ZNG1E: variants seen among roughly 807,000 people sequenced by gnomAD.
ZNG1E encodes the protein Zn regulated GTPase metalloprotein activator 1E.
chr9:65,693,605 T>G, the ZNG1E span: 24 of 492,402 alleles, frequency 4.9e-5, no homozygotes, highest in South Asian at 4.8e-4. Context: ...TTGCCCAGGC[T>G]GGAGTGCAGT....
the ZNG1E span, among the ~76,000 whole-genome samples, chr9:65,656,737 A>G: frequency 6.6e-6 from 1 of 152,290 alleles, no homozygotes; most frequent in African/African-American, 2.4e-5. Flanking sequence ...ATTTATGGGA[A>G]CATTTATAAG....
the ZNG1E span, chr9:65,708,458 T>C: frequency 1.7e-5 from 4 of 237,046 alleles, no homozygotes; most frequent in Non-Finnish European, 3.2e-5. Context: ...ATTTTGTACA[T>C]TGGTTATTTG....
At chr9:65,710,541 A>G in the ZNG1E span, among the ~76,000 whole-genome samples, 2 of 152,072 alleles carry the variant, frequency 1.3e-5, no homozygotes, top group African/African-American at 4.8e-5. Flanking sequence ...ATAAGGTGTA[A>G]GGAAGGGATC....
the ZNG1E span, among the ~76,000 whole-genome samples, chr9:65,702,474 G>A: frequency 7.4e-5 from 11 of 149,230 alleles, no homozygotes; most frequent in Middle Eastern, 0.01. Flanking sequence ...AGGAACCTGG[G>A]ATGTGTGACT....
the ZNG1E span, among the ~76,000 whole-genome samples, chr9:65,668,364 G>A: frequency 2.3e-5 from 3 of 131,618 alleles, no homozygotes; most frequent in East Asian, 4.3e-4. Context: ...ATGTAATATC[G>A]GTGAAGGGAA....
chr9:65,705,420 G>T, the ZNG1E span, among the ~76,000 whole-genome samples: 2 of 151,912 alleles, frequency 1.3e-5, no homozygotes, highest in Middle Eastern at 6.8e-3. Flanking sequence ...AGTCATTGGG[G>T]GGAAACAGAA....
chr9:65,664,300 T>A, the ZNG1E span, among the ~76,000 whole-genome samples: 1 of 151,044 alleles, frequency 6.6e-6, no homozygotes, highest in African/African-American at 2.5e-5. Flanking sequence ...CCAAATCTCA[T>A]CTTGAATTCC....
At chr9:65,686,499 G>T in the ZNG1E span, among the ~76,000 whole-genome samples, 2 of 152,186 alleles carry the variant, frequency 1.3e-5, no homozygotes, top group Non-Finnish European at 2.9e-5. Flanking sequence ...AGCCTGGCTT[G>T]GTGGTGGGAG....
the ZNG1E span, among the ~76,000 whole-genome samples, chr9:65,710,546 G>A: frequency 1.3e-5 from 2 of 152,068 alleles, no homozygotes; most frequent in African/African-American, 4.8e-5. Flanking sequence ...GTGTAAGGAA[G>A]GGATCCGGTT....
the ZNG1E span, among the ~76,000 whole-genome samples, chr9:65,657,524 A>T: frequency 6.6e-6 from 1 of 152,268 alleles, no homozygotes; most frequent in Non-Finnish European, 1.5e-5. Flanking sequence ...AAATGAAAAC[A>T]GTTGAACTCA....
chr9:65,678,094 TG>T, the ZNG1E span, among the ~76,000 whole-genome samples: 2 of 139,660 alleles, frequency 1.4e-5, no homozygotes, highest in African/African-American at 5.6e-5. Flanking sequence ...TGTCTTAAAG[TG>T]TTTTTTTTTT....
the ZNG1E span, among the ~76,000 whole-genome samples, chr9:65,666,306 C>T: frequency 6.7e-6 from 1 of 150,104 alleles, no homozygotes; most frequent in Non-Finnish European, 1.5e-5. Flanking sequence ...GAATAAGTCT[C>T]ATGAGATCTG....
At chr9:65,681,872 C>A in the ZNG1E span, 3 of 1,414,718 alleles carry the variant, frequency 2.1e-6, no homozygotes, top group South Asian at 1.5e-5. Flanking sequence ...TGTTTTGGTC[C>A]TTTTATTGAG....
At chr9:65,675,672 G>A in the ZNG1E span, 3 of 554,582 alleles carry the variant, frequency 5.4e-6, no homozygotes, top group South Asian at 2.1e-5. Flanking sequence ...AGGCGCCAGT[G>A]ACACCTTCAG....
the ZNG1E span, among the ~76,000 whole-genome samples, chr9:65,660,762 G>A: frequency 6.7e-6 from 1 of 149,192 alleles, no homozygotes; most frequent in Admixed American, 6.8e-5. Flanking sequence ...TAGTATCCCT[G>A]CCAAAATTTA....
chr9:65,694,528 A>G, the ZNG1E span, among the ~76,000 whole-genome samples: 1 of 152,072 alleles, frequency 6.6e-6, no homozygotes, highest in Non-Finnish European at 1.5e-5. Flanking sequence ...TTATTAAATC[A>G]ATATACCTAC....
At chr9:65,656,731 A>G in the ZNG1E span, among the ~76,000 whole-genome samples, 519 of 150,862 alleles carry the variant, frequency 3.4e-3, no homozygotes, top group African/African-American at 0.012. Context: ...GTGAAAATTT[A>G]TGGGAACATT....
chr9:65,667,982 G>A, the ZNG1E span, among the ~76,000 whole-genome samples: 3 of 140,968 alleles, frequency 2.1e-5, no homozygotes, highest in Non-Finnish European at 4.7e-5. Flanking sequence ...GACACCATGA[G>A]CAAAACTTCG....
the ZNG1E span, among the ~76,000 whole-genome samples, chr9:65,694,634 CT>C: frequency 6.7e-6 from 1 of 148,388 alleles, no homozygotes; most frequent in African/African-American, 2.5e-5. Context: ...AATTTTCCAA[CT>C]TGTCCAATTC....
Sources: allele counts gnomAD v4.1 joint callset (sites outside exome capture counted in the v4.1 genomes callset), GRCh38; gene constraint gnomAD v4.1.1; transcripts MANE v1.5; gene names NCBI Gene and HGNC (gene_info 2026-07-23, HGNC 2026-07-21).